The following SGCG variants were observed in gnomAD, a reference collection of about 807,000 sequenced individuals.
SGCG encodes gamma-sarcoglycan.
Under a neutral mutation model 29.3 loss-of-function variants are expected in SGCG, and 26 were observed. The observed-to-expected ratio is 0.89, with a 90% confidence interval of 0.65 to 1.23. The LOEUF (loss-of-function observed/expected upper bound fraction) is 1.23, where lower values mean the gene tolerates loss of function less well. SGCG is among the 50% of genes most tolerant of loss of function. The probability of loss-of-function intolerance (pLI) is 0.00; values close to 1 mark genes in which losing one functional copy is unlikely to be tolerated. For synonymous variants in SGCG, 145 were observed against 129.7 expected (o/e 1.12, Z -0.80); for missense variants, 353 against 356.0 (o/e 0.99, Z 0.07).
intron 4 of SGCG, among the ~76,000 whole-genome samples, chr13:23,278,387 G>A (rs12875241): frequency 0.085 from 12,801 of 151,052 alleles, 708 homozygotes; most frequent in South Asian, 0.14. Context: ...ACATTGCAGC[G>A]AGCGGAGATC....
intron 5 of SGCG, among the ~76,000 whole-genome samples, chr13:23,293,462 C>A (rs1356764160): frequency 2.0e-5 from 3 of 152,032 alleles, no homozygotes; most frequent in Non-Finnish European, 4.4e-5. Flanking sequence ...AATAAAATTA[C>A]TAAGGAAGTA....
At chr13:23,232,642 C>CG (rs1003827348) in intron 2 of SGCG, among the ~76,000 whole-genome samples, 1 of 151,940 alleles carries the variant, frequency 6.6e-6, no homozygotes, top group African/African-American at 2.4e-5. Context: ...ATTAGCCAGG[C>CG]GTGGTGGCAG....
rs575144730 is a variant in SGCG, at chr13:23,263,220, A to T, written c.385+12503A>T. 2.0e-5 allele frequency among the ~76,000 whole-genome samples: 3 copies of T among 152,114 alleles called. No homozygotes were observed. The East Asian group carries it at 5.8e-4, about 29-fold the overall frequency. On this transcript the variant is annotated intron_variant, in intron 4 of 7. Transcript: ENST00000218867. ...ATCTGACTTTTTGAAAATATTTTTT[A>T]AAATCATTAGCTATATTAATCAAGA...
chr13:23,278,117 A>G (rs1407781527), intron 4 of SGCG, among the ~76,000 whole-genome samples: 1 of 152,074 alleles, frequency 6.6e-6, no homozygotes, highest in Non-Finnish European at 1.5e-5. Context: ...TACTGGTGTG[A>G]GCCACTGTGC....
At chr13:23,224,876 G>A (rs1035443515) in intron 2 of SGCG, among the ~76,000 whole-genome samples, 5 of 151,840 alleles carry the variant, frequency 3.3e-5, no homozygotes, top group Non-Finnish European at 7.4e-5. Context: ...CCGAGAGTAG[G>A]GCCCAGGTGT....
At chr13:23,248,197 T>A (rs1472690591) in intron 3 of SGCG, among the ~76,000 whole-genome samples, 2 of 151,422 alleles carry the variant, frequency 1.3e-5, no homozygotes, top group Non-Finnish European at 3.0e-5. Context: ...CCAAAAAAAA[T>A]TTCTATCAAA....
At chr13:23,207,356 G>T (rs1878020928) in intron 2 of SGCG, among the ~76,000 whole-genome samples, 1 of 152,144 alleles carries the variant, frequency 6.6e-6, no homozygotes, top group Non-Finnish European at 1.5e-5. Context: ...GCCTAAAACT[G>T]TAAAACTTCT....
chr13:23,213,988 T>C (rs1401822724), intron 2 of SGCG, among the ~76,000 whole-genome samples: 1 of 152,246 alleles, frequency 6.6e-6, no homozygotes, highest in East Asian at 1.9e-4. Context: ...TCTCTGAAAC[T>C]GACCCAGTTG....
chr13:23,215,682 T>A (rs1326744704), intron 2 of SGCG, among the ~76,000 whole-genome samples: 1 of 152,040 alleles, frequency 6.6e-6, no homozygotes, highest in Non-Finnish European at 1.5e-5. Context: ...AACTTCTCAT[T>A]ATAAAAATAA....
chr13:23,246,569 C>CT (rs1282271266), intron 3 of SGCG: 1 of 164,804 alleles, frequency 6.1e-6, no homozygotes. Flanking sequence ...CAGCCTTTGG[C>CT]TGATAGCCTT....
intron 1 of SGCG, among the ~76,000 whole-genome samples, chr13:23,191,103 TAAATC>T (rs1434710402): frequency 2.6e-5 from 4 of 152,186 alleles, no homozygotes; most frequent in Admixed American, 6.5e-5. Context: ...AGTTACATAT[TAAATC>T]AAGACATAAA....
chr13:23,173,237 C>T, the SGCG span, among the ~76,000 whole-genome samples: 1 of 152,156 alleles, frequency 6.6e-6, no homozygotes, highest in African/African-American at 2.4e-5. Context: ...CTTAAACTCT[C>T]AGCATCAAAG....
chr13:23,237,799 T>C (rs1593190203), intron 3 of SGCG, among the ~76,000 whole-genome samples: 3 of 143,158 alleles, frequency 2.1e-5, no homozygotes, highest in Admixed American at 7.0e-5. Flanking sequence ...AATCTTCATC[T>C]AAAAAAAAAA....
At chr13:23,207,117 G>A (rs1030040030) in intron 2 of SGCG, among the ~76,000 whole-genome samples, 5 of 152,088 alleles carry the variant, frequency 3.3e-5, no homozygotes, top group Non-Finnish European at 1.5e-5. Context: ...CATAAAGAAA[G>A]GCATATAGAC....
chr13:23,172,920 A>C, the SGCG span, among the ~76,000 whole-genome samples: 1 of 152,238 alleles, frequency 6.6e-6, no homozygotes, highest in Non-Finnish European at 1.5e-5. Flanking sequence ...AATAGCCCCT[A>C]CTACGTAGTA....
intron 2 of SGCG, chr13:23,217,363 T>C (rs527829139): frequency 6.6e-6 from 1 of 152,256 alleles, no homozygotes; most frequent in South Asian, 2.1e-4. Context: ...TGTTTTCATA[T>C]ATATATGCCA....
intron 4 of SGCG, among the ~76,000 whole-genome samples, chr13:23,279,147 C>A (rs1881204474): frequency 6.6e-6 from 1 of 152,090 alleles, no homozygotes; most frequent in Admixed American, 6.6e-5. Context: ...TATAGGTTAA[C>A]ATATGTTTGA....
intron 5 of SGCG, among the ~76,000 whole-genome samples, chr13:23,294,858 C>G (rs1191278581): frequency 1.3e-5 from 2 of 152,140 alleles, no homozygotes; most frequent in Non-Finnish European, 2.9e-5. Context: ...GTCACTTTCA[C>G]CTGTGTTTTT....
chr13:23,211,575 T>C (rs909648911), intron 2 of SGCG, among the ~76,000 whole-genome samples: 23 of 152,284 alleles, frequency 1.5e-4, no homozygotes, highest in African/African-American at 5.5e-4. Flanking sequence ...CCTGTGGGAA[T>C]TGGGAAGACG....
Sources: gnomAD v4.1 joint callset for allele counts (sites outside exome capture counted in the v4.1 genomes callset) on GRCh38, gnomAD v4.1.1 for gene constraint, MANE v1.5 for transcripts, NCBI Gene and HGNC (gene_info 2026-07-23, HGNC 2026-07-21) for gene names.